Variants in FASN observed in about 807,000 individuals in gnomAD.
The protein encoded by FASN is fatty acid synthase.
FASN carries 50 observed loss-of-function variants against 250.0 expected under a neutral mutation model. The ratio of observed to expected loss-of-function variants is 0.20; its 90% confidence interval spans 0.16 to 0.25. The LOEUF (loss-of-function observed/expected upper bound fraction) is 0.25, where lower values mean the gene tolerates loss of function less well. Ranked by LOEUF, FASN falls within the 10% of genes least tolerant of loss-of-function variation. FASN has a pLI of 1.00. For missense variants in FASN, 3,031 were observed against 3,498.5 expected, an observed-to-expected ratio of 0.87 and a Z score of 3.37; for synonymous variants, 1,909 against 1,584.0, an observed-to-expected ratio of 1.21 and a Z score of -4.87.
chr17:82,079,093 G>GTGGGC lies in FASN; in HGVS notation c.*49_*50insGCCCA, dbSNP rs2033941292. 6.5e-7 allele frequency: 1 copy of GTGGGC among 1,546,660 alleles called. No individual in the cohort carries two copies. Among genetic ancestry groups the GTGGGC allele is most frequent in the African/African-American group, 1.4e-5 (1 of 73,456 alleles). On this transcript the variant is annotated 3_prime_UTR_variant, in exon 43 of 43. Coordinates refer to ENST00000306749, the MANE Select transcript of FASN (RefSeq NM_004104.5). Reference sequence around the variant, plus strand: ...CGTTGCATGGCGGGGGTGGGGTGGGGTGGGGTGGGGATGGTGGAGTGACCT... The same window carrying GTGGGC: ...CGTTGCATGGCGGGGGTGGGGTGGGGTGGGCTGGGGTGGGGATGGTGGAGTGACCT...
rs1443556390 is a variant in FASN at position 82,084,275 on chromosome 17, G to A, written c.4878C>T (p.Val1626=). ...CCCAGAGGAAGTCCGGTGACAGCAG[G>A]ACAGAGGTGGCCAGGCCCTTGGCAG... ...LVPAKGLATS[V]LLSPDFLWDV... The change falls in exon 28 of 43, where the codon GTC becomes GTT. Residue 1626 remains valine (V), a synonymous_variant. Transcript: ENST00000306749. 1 of 1,611,974 alleles carries A rather than the reference G, an allele frequency of 6.2e-7. No individual in the cohort carries two copies. Among genetic ancestry groups the A allele is most frequent in the Non-Finnish European group, 8.5e-7 (1 of 1,179,610 alleles).
In FASN at chr17:82,079,014, G is replaced by T; in HGVS notation, c.*129C>A. 1 of 1,116,620 alleles carries T rather than the reference G, an allele frequency of 9.0e-7. No individual in the cohort carries two copies. Among genetic ancestry groups the T allele is most frequent in the Non-Finnish European group, 1.3e-6 (1 of 778,304 alleles). 69.2% of individuals were successfully genotyped at this position (1,116,620 alleles called of 1,614,324 possible). On this transcript the variant is annotated 3_prime_UTR_variant, in exon 43 of 43. Coordinates refer to ENST00000306749, the MANE Select transcript of FASN (RefSeq NM_004104.5). ...CCTAACACCTACATCTAGCAGCCTCGGGGGGCAGTGGCACTGGGCCGGACA... is the reference window on the plus strand; with the variant it reads ...CCTAACACCTACATCTAGCAGCCTCTGGGGGCAGTGGCACTGGGCCGGACA...
rs554027751 is a variant in FASN, at chr17:82,094,943, G to A, written c.280+377C>T. ...AAGGGTAGTGGGGAGGGTGGGAGGG[G>A]AGAGACAGCAGGGCCGGTGCTGTCC... On this transcript the variant is annotated intron_variant, in intron 3 of 42. Transcript: ENST00000306749. Among the ~76,000 whole-genome samples the A allele has an allele frequency of 2.4e-3, 329 of 135,918 alleles. 1 individual carries two copies. Among genetic ancestry groups the A allele is most frequent in the South Asian group, 5.3e-3 (19 of 3,594 alleles). 89.2% of individuals were successfully genotyped at this position (135,918 alleles called of 152,430 possible).
chr17:82,096,540 AT>A lies in FASN; in HGVS notation c.-7-89del, dbSNP rs1334445426. 7 of 1,581,730 alleles carry A rather than the reference AT, an allele frequency of 4.4e-6. No homozygotes were observed. In the East Asian group the frequency reaches 1.6e-4, roughly 36 times the overall value. On this transcript the variant is annotated intron_variant, in intron 1 of 42. Transcript: ENST00000306749. The stretch of plus-strand genomic sequence containing the variant: ...CGGCACCCAGAACAGGTGGACACCC[AT>A]GGGGCCAAGCACCACCCTGAGGGTC...
At chr17:82,092,373 G>A in intron 8 of FASN, 82 bp downstream of exon 8, 1 of 1,448,508 alleles carries the variant, frequency 6.9e-7, no homozygotes, top group Non-Finnish European at 9.4e-7. Context: ...TTGGCAAAGA[G>A]AAAGCAGCAG....
chr17:82,079,764 C>G, intron 41 of FASN, 156 bp from the exon 42 acceptor site: 1 of 1,062,384 alleles, frequency 9.4e-7, no homozygotes, highest in Non-Finnish European at 1.3e-6. Context: ...GCAACCTCCA[C>G]CTACCCGGTT....
Position 82,085,358 on chromosome 17 carries a change from C to T in FASN, c.4167G>A (p.Val1389=). The T allele has an allele frequency of 6.2e-7, 1 of 1,611,650 alleles. No individual in the cohort carries two copies. The highest frequency in any genetic ancestry group is 8.5e-7 in the Non-Finnish European group (1 of 1,179,586). ...SLFSRVSLRL[V]GLKKSFYGST... ...AGCCGTAGAAGGACTTCTTCAGGCC[C>T]ACCAGGCGCAGCGACACCCTGGAGA... is the stretch of plus-strand genomic sequence containing the variant. The change falls in exon 24 of 43, where the codon GTG becomes GTA. Residue 1389 remains valine, a synonymous_variant. Coordinates refer to ENST00000306749, the MANE Select transcript of FASN (RefSeq NM_004104.5).
intron 3 of FASN, among the ~76,000 whole-genome samples, chr17:82,094,606 T>C (rs188740378): frequency 7.3e-4 from 110 of 151,576 alleles, no homozygotes; most frequent in South Asian, 3.3e-3. Context: ...CTGGCAAACA[T>C]GGTGAAACCC....
In FASN at chr17:82,082,006, C is replaced by T; in HGVS notation, c.6163+3G>A. ...AGGGTCGAGGGGAGAGGGTGGGGCC[C>T]ACCTGGGAGGCCTTCGTGCCGGCGT... On this transcript the variant is annotated splice_donor_region_variant and intron_variant, in intron 36 of 42. Coordinates refer to ENST00000306749, the MANE Select transcript of FASN (RefSeq NM_004104.5). 9 of 1,606,736 alleles carry T rather than the reference C, an allele frequency of 5.6e-6. No individual in the cohort carries two copies. The highest frequency in any genetic ancestry group is 7.6e-6 in the Non-Finnish European group (9 of 1,179,756).
At chr17:82,096,668 C>G (rs1430048298) in intron 1 of FASN, 12 of 654,950 alleles carry the variant, frequency 1.8e-5, no homozygotes, top group South Asian at 5.2e-5. Context: ...GGAACAGGCC[C>G]GCCTCTGGGC....
rs922899689 is a variant in FASN, at chr17:82,091,582, C to T, written c.1132G>A (p.Asp378Asn). The T allele has an allele frequency of 2.5e-6, 4 of 1,587,960 alleles. No individual in the cohort carries two copies. In the African/African-American group the frequency reaches 5.4e-5, roughly 21 times the overall value. The change falls in exon 9 of 43, where the codon GAC (aspartate) becomes AAC (asparagine). Residue 378 changes from aspartate (D) to asparagine (N), a missense_variant. Asp to Asn is a conservative substitution (Grantham distance 23, BLOSUM62 1). Transcript: ENST00000306749. Reference protein sequence around the residue: ...ALLDGRLQVVDQPLPVRGGNV... With the variant: ...ALLDGRLQVVNQPLPVRGGNV... Reference sequence around the variant, plus strand: ...CCGCCACGGACGGGCAGGGGCTGGTCCACCACCTGCAGCCGCCCATCCAAC... The same window carrying T: ...CCGCCACGGACGGGCAGGGGCTGGTTCACCACCTGCAGCCGCCCATCCAAC...
chr17:82,082,276 G>A, intron 35 of FASN, 47 bp downstream of exon 35: 8 of 1,608,664 alleles, frequency 5.0e-6, no homozygotes, highest in Non-Finnish European at 6.8e-6. Flanking sequence ...CCACGGCCCT[G>A]AGCCCAGAGC....
At position 82,087,514 on chromosome 17, in the gene FASN, GGGCCT is replaced by G; in HGVS notation, c.3044-15_3044-11del. The stretch of plus-strand genomic sequence containing the variant: ...AGCCTCCCCGAGTCACCTGCACACA[GGGCCT>G]GGTTGGTGCTGTGGAACTCCCAGGT... On this transcript the variant is annotated splice_polypyrimidine_tract_variant and intron_variant, in intron 19 of 42. Coordinates refer to ENST00000306749, the MANE Select transcript of FASN (RefSeq NM_004104.5). 3 of 1,611,718 alleles carry G rather than the reference GGGCCT, an allele frequency of 1.9e-6. No homozygotes were observed. The highest frequency in any genetic ancestry group is 2.5e-6 in the Non-Finnish European group (3 of 1,179,954).
In FASN at chr17:82,082,334, C is replaced by G; in HGVS notation, c.6000G>C (p.Leu2000=). 3 of 1,612,740 alleles carry G rather than the reference C, an allele frequency of 1.9e-6. No individual in the cohort carries two copies. Among genetic ancestry groups the G allele is most frequent in the Non-Finnish European group, 2.5e-6 (3 of 1,179,998 alleles). ...TGTGCGGTACCCACCTGTCCAGGTT[C>G]AGGGTGCCGCTGTACTTGGGCTTGC... ...DVCKPKYSGT[L]NLDRVTREAC... Residue 2000 remains leucine (L), a synonymous_variant, in exon 35 of 43, where the codon CTG becomes CTC. Transcript: ENST00000306749.
rs2033934925 is a variant in FASN, at chr17:82,078,773, TG to T, written c.*369del. The T allele has an allele frequency of 2.8e-6, 1 of 352,354 alleles. No homozygotes were observed. The allele number at this position is 352,354 out of a possible 1,614,324, so 21.8% of individuals were successfully genotyped here. On this transcript the variant is annotated 3_prime_UTR_variant, in exon 43 of 43. Transcript: ENST00000306749. This position sits in a 1 kb window ranked among gnomAD's most constrained non-coding sequence, Gnocchi z 5.4. ...GACCCACACGCTGCCTGAGGAGTCTTGGCAGGGTGGACAGGCCTGGGGGTCT... is the reference window on the plus strand; with the variant it reads ...GACCCACACGCTGCCTGAGGAGTCTTGCAGGGTGGACAGGCCTGGGGGTCT...
At chr17:82,089,867 C>A (rs188089545) in intron 11 of FASN, 141 bp from the exon 12 acceptor site, 74 of 776,510 alleles carry the variant, frequency 9.5e-5, no homozygotes, top group African/African-American at 9.0e-4. Context: ...GAGAAAGGTT[C>A]GCCCCCTGCT....
chr17:82,080,333 G>A lies in FASN; in HGVS notation c.7047+37C>T, dbSNP rs569590740. On this transcript the variant is annotated intron_variant, in intron 40 of 42. Transcript: ENST00000306749. ...CAGGGCACAGGTGGGGAGCCCAGAC[G>A]TTTGCCGTAGGCCTCTAGGACCAGC... 1.4e-5 allele frequency: 22 copies of A among 1,608,236 alleles called. No homozygotes were observed. In the African/African-American group the frequency reaches 1.5e-4, roughly 11 times the overall value.
chr17:82,081,556 C>T (rs551975039), intron 37 of FASN, 45 bp downstream of exon 37: 11 of 1,608,032 alleles, frequency 6.8e-6, no homozygotes, highest in Non-Finnish European at 9.3e-6. Flanking sequence ...GACCCTGATG[C>T]CAGCAGGGGA....
rs1490965806 is a variant in FASN, at chr17:82,089,017, C to G, written c.2256G>C (p.Val752=). 4 of 1,608,668 alleles carry G rather than the reference C, an allele frequency of 2.5e-6. No individual in the cohort carries two copies. The Admixed American group carries it at 6.7e-5, about 27-fold the overall frequency. The change falls in exon 14 of 43, where the codon GTG becomes GTC. Residue 752 remains valine, a synonymous_variant. Coordinates refer to ENST00000306749, the MANE Select transcript of FASN (RefSeq NM_004104.5). ...TCTCCAGCACCACCGCGTGCTCAGG[C>G]ACGTGCCACAGGGCCTCCTGGAACA... is the stretch of plus-strand genomic sequence containing the variant. ...PVLFQEALWH[V]PEHAVVLEIA... is the part of the protein sequence containing the mutation.
Sources: allele counts gnomAD v4.1 joint callset (sites outside exome capture counted in the v4.1 genomes callset), GRCh38; gene constraint gnomAD v4.1.1; non-coding constraint Gnocchi (gnomAD v3.1); transcripts MANE v1.5; gene names NCBI Gene and HGNC (gene_info 2026-07-23, HGNC 2026-07-21).